DNAI4: variants seen among roughly 807,000 people sequenced by gnomAD.
DNAI4 encodes dynein axonemal intermediate chain 4.
A neutral mutation model predicts 105.8 loss-of-function variants in DNAI4; 85 were observed. The observed-to-expected ratio is 0.80, with a 90% CI of 0.67 to 0.96. The LOEUF is 0.96. Among genes scored for constraint, DNAI4 ranks in the 40% least tolerant of loss-of-function variants. The probability of loss-of-function intolerance (pLI) is 0.00; values close to 1 mark genes in which losing one functional copy is unlikely to be tolerated. For missense variants in DNAI4, 1,014 were observed against 1,005.6 expected, an observed-to-expected ratio of 1.01 and a Z score of -0.11; for synonymous variants, 352 against 331.5, an observed-to-expected ratio of 1.06 and a Z score of -0.67.
chr1:66,923,622 G>A (rs1650754829), intron 1 of DNAI4, among the ~76,000 whole-genome samples: 1 of 152,222 alleles, frequency 6.6e-6, no homozygotes, highest in Non-Finnish European at 1.5e-5. Context: ...GTATTTGGTT[G>A]CATGGCTATT....
intron 7 of DNAI4, among the ~76,000 whole-genome samples, chr1:66,856,193 G>A (rs897392698): frequency 6.6e-6 from 1 of 151,742 alleles, no homozygotes; most frequent in African/African-American, 2.4e-5. Flanking sequence ...TTATAGGCGG[G>A]GCACAGTGGC....
rs982279379 is a variant in DNAI4 at position 66,847,512 on chromosome 1, T to G, written c.1263A>C (p.Ala421=). The G allele has an allele frequency of 5.0e-6, 8 of 1,613,240 alleles. No individual in the cohort carries two copies. The Admixed American group carries it at 8.4e-5, about 17-fold the overall frequency. ...TTAAAACAGGAAGCTGACGATAAGC[T>G]GCAAGTTTGGGCTGAAATATATTTT... ...LMENIFQPKL[A]AYRQLPVLKE... The change falls in exon 8 of 17, where the codon GCA becomes GCC. Residue 421 remains alanine (A), a synonymous_variant. Coordinates refer to ENST00000371026, the MANE Select transcript of DNAI4 (RefSeq NM_024763.5).
At position 66,833,595 on chromosome 1, in the gene DNAI4, A is replaced by C; in HGVS notation, c.2003T>G (p.Phe668Cys). The C allele has an allele frequency of 6.2e-7, 1 of 1,612,492 alleles. No individual in the cohort carries two copies. Among genetic ancestry groups the C allele is most frequent in the East Asian group, 2.2e-5 (1 of 44,832 alleles). The change falls in exon 13 of 17, where the codon TTT (phenylalanine) becomes TGT (cysteine). Residue 668 changes from phenylalanine (F) to cysteine (C), a missense_variant. Phe to Cys is a radical substitution (Grantham distance 205). Coordinates refer to ENST00000371026, the MANE Select transcript of DNAI4 (RefSeq NM_024763.5). Reference protein sequence around the residue: ...SRQAPGMCFAFHPKDTNIYLA... With the variant: ...SRQAPGMCFACHPKDTNIYLA... ...AGTGAAATAATTTACCTTGGGATGA[A>C]AAGCAAAACACATTCCAGGAGCCTG...
intron 1 of DNAI4, among the ~76,000 whole-genome samples, chr1:66,923,011 C>G (rs1254573414): frequency 6.6e-6 from 1 of 152,174 alleles, no homozygotes; most frequent in African/African-American, 2.4e-5. Flanking sequence ...CAATGAATCA[C>G]ATATACAATG....
chr1:66,860,967 A>C (rs1363807415), intron 7 of DNAI4: 1 of 152,172 alleles, frequency 6.6e-6, no homozygotes, highest in Admixed American at 6.6e-5. Context: ...AACAACCTTC[A>C]GTAAAACATA....
chr1:66,913,871 A>C (rs1649854312), intron 1 of DNAI4, among the ~76,000 whole-genome samples: 1 of 151,844 alleles, frequency 6.6e-6, no homozygotes, highest in African/African-American at 2.4e-5. Flanking sequence ...AGTCCCAGCT[A>C]CTCGGGAGGC....
chr1:66,817,486 T>C (rs1176865699), intron 16 of DNAI4, among the ~76,000 whole-genome samples: 1 of 152,022 alleles, frequency 6.6e-6, no homozygotes, highest in Non-Finnish European at 1.5e-5. Flanking sequence ...GGTGGGACAA[T>C]TGCTTGATCC....
chr1:66,915,735 G>A (rs1474596622), intron 1 of DNAI4, among the ~76,000 whole-genome samples: 1 of 151,950 alleles, frequency 6.6e-6, no homozygotes, highest in Non-Finnish European at 1.5e-5. Context: ...CAAGGTAAAA[G>A]GAACCAGGAA....
intron 1 of DNAI4, among the ~76,000 whole-genome samples, chr1:66,908,850 A>C (rs1315764536): frequency 6.6e-6 from 1 of 152,176 alleles, no homozygotes; most frequent in African/African-American, 2.4e-5. Flanking sequence ...CAAATATGAA[A>C]ACCTCCTCTC....
In DNAI4 at chr1:66,813,177, G is replaced by A. The variant is rs962890515; in HGVS notation, c.*953C>T. 1.3e-5 allele frequency: 2 copies of A among 152,212 alleles called. No homozygotes were observed. Among genetic ancestry groups the A allele is most frequent in the African/African-American group, 4.8e-5 (2 of 41,414 alleles). The allele number at this position is 152,212 out of a possible 1,614,324, so 9.4% of individuals were successfully genotyped here. A position where few individuals can be genotyped will look rare whatever the true frequency, so the allele number is the denominator to read the frequency against. ...TATATACATATTTTTTTTCCAGAGA[G>A]TTTAGTGAATTTCATATGCCCTATC... On this transcript the variant is annotated 3_prime_UTR_variant, in exon 17 of 17. Transcript: ENST00000371026.
At chr1:66,887,362 C>A (rs978158268) in intron 4 of DNAI4, among the ~76,000 whole-genome samples, 3 of 152,128 alleles carry the variant, frequency 2.0e-5, no homozygotes, top group African/African-American at 7.2e-5. Context: ...GTTAATTTTC[C>A]ATTTGTCCAA....
At chr1:66,878,027 G>T (rs1646993355) in intron 4 of DNAI4, among the ~76,000 whole-genome samples, 1 of 151,854 alleles carries the variant, frequency 6.6e-6, no homozygotes, top group Non-Finnish European at 1.5e-5. Flanking sequence ...TTTACATATT[G>T]TACTGTTTAG....
chr1:66,829,804 C>A (rs191507942), intron 13 of DNAI4, among the ~76,000 whole-genome samples: 20 of 152,226 alleles, frequency 1.3e-4, no homozygotes, highest in Admixed American at 1.2e-3. Flanking sequence ...CCAATATAGA[C>A]CACATACTGG....
chr1:66,843,886 T>A (rs1329570002), intron 8 of DNAI4, among the ~76,000 whole-genome samples: 1 of 152,068 alleles, frequency 6.6e-6, no homozygotes, highest in Admixed American at 6.6e-5. Context: ...GCCAATAGCA[T>A]GCTGTCTTGA....
rs192230409 is a variant in DNAI4 at position 66,895,351 on chromosome 1, C to T, written c.346-1938G>A. Among the ~76,000 whole-genome samples the T allele has an allele frequency of 1.9e-3, 292 of 152,220 alleles. 3 individuals are homozygous for T. Among genetic ancestry groups the T allele is most frequent in the Admixed American group, 0.014 (220 of 15,290 alleles). ...AGAAAATTAGCACACACCTGTAGCCCACGCCACATGGGAGGCTAAGGCAAG... is the reference window on the plus strand; with the variant it reads ...AGAAAATTAGCACACACCTGTAGCCTACGCCACATGGGAGGCTAAGGCAAG... On this transcript the variant is annotated intron_variant, in intron 2 of 16. Transcript: ENST00000371026.
At chr1:66,822,669 T>A (rs1572587815) in intron 15 of DNAI4, 152 bp from the exon 16 acceptor site, 5 of 599,506 alleles carry the variant, frequency 8.3e-6, no homozygotes, top group Non-Finnish European at 1.3e-5. Context: ...TGCTCCTCAC[T>A]CCTTACTCAA....
Position 66,849,070 on chromosome 1 carries a change from A to T in DNAI4, c.1097-1392T>A, listed in dbSNP as rs376912151. 7.2e-5 allele frequency among the ~76,000 whole-genome samples: 11 copies of T among 152,300 alleles called. No homozygotes were observed. In the South Asian group the frequency reaches 2.1e-3, roughly 29 times the overall value. ...CCTTCCTACAGTGTCAGTGGAGACC[A>T]GCTGGGGATCCTGGAATTCCAACCT... On this transcript the variant is annotated intron_variant, in intron 7 of 16. Coordinates refer to ENST00000371026, the MANE Select transcript of DNAI4 (RefSeq NM_024763.5).
chr1:66,892,961 G>GAAAGA (rs1466939429), intron 3 of DNAI4, among the ~76,000 whole-genome samples: 2 of 116,866 alleles, frequency 1.7e-5, no homozygotes, highest in South Asian at 2.6e-4. Flanking sequence ...AAGAAAGAAA[G>GAAAGA]AAAGAAAGAA....
chr1:66,853,054 T>C (rs186104292), intron 7 of DNAI4, among the ~76,000 whole-genome samples: 2 of 152,186 alleles, frequency 1.3e-5, no homozygotes, highest in Non-Finnish European at 2.9e-5. Flanking sequence ...GAATGGTAAA[T>C]TCAGGTGTGT....
Sources: allele counts gnomAD v4.1 joint callset (sites outside exome capture counted in the v4.1 genomes callset), GRCh38; gene constraint gnomAD v4.1.1; transcripts MANE v1.5; gene names NCBI Gene and HGNC (gene_info 2026-07-23, HGNC 2026-07-21).